Variants in AGMO observed in about 807,000 individuals in gnomAD.
The protein encoded by AGMO is glyceryl-ether monooxygenase.
A neutral mutation model predicts 60.2 loss-of-function variants in AGMO; 75 were observed. The ratio of observed to expected loss-of-function variants is 1.25; its 90% CI spans 1.03 to 1.51. The LOEUF (loss-of-function observed/expected upper bound fraction) is 1.51, where lower values mean the gene tolerates loss of function less well. Ranked by LOEUF, AGMO falls within the 40% of genes most tolerant of loss-of-function variation. The pLI, the probability that AGMO is intolerant of heterozygous loss-of-function variation, is 0.00. For missense variants in AGMO, 763 were observed against 525.5 expected, an observed-to-expected ratio of 1.45 and a Z score of -4.42; for synonymous variants, 261 against 177.1, an observed-to-expected ratio of 1.47 and a Z score of -3.76.
intron 3 of AGMO, among the ~76,000 whole-genome samples, chr7:15,456,564 C>T (rs893183097): frequency 3.3e-5 from 5 of 152,106 alleles, no homozygotes; most frequent in Admixed American, 2.0e-4. Context: ...TCTTCTAGTT[C>T]GTGGATATCA....
chr7:15,525,215 A>C (rs1784093257), intron 3 of AGMO, among the ~76,000 whole-genome samples: 1 of 152,182 alleles, frequency 6.6e-6, no homozygotes, highest in South Asian at 2.1e-4. Flanking sequence ...GGAAGCAGAC[A>C]AATCCTAGGC....
intron 12 of AGMO, among the ~76,000 whole-genome samples, chr7:15,353,079 A>T (rs1342337879): frequency 1.3e-5 from 2 of 152,094 alleles, no homozygotes; most frequent in Non-Finnish European, 2.9e-5. Context: ...AGGACAGGTG[A>T]TTATTTTTAA....
chr7:15,558,723 T>C (rs973537313), intron 2 of AGMO, among the ~76,000 whole-genome samples: 1 of 152,136 alleles, frequency 6.6e-6, no homozygotes, highest in African/African-American at 2.4e-5. Context: ...ATAATGCACT[T>C]TTCTCAAACA....
At chr7:15,382,225 A>T (rs1783722939) in intron 10 of AGMO, among the ~76,000 whole-genome samples, 2 of 152,174 alleles carry the variant, frequency 1.3e-5, no homozygotes, top group Admixed American at 1.3e-4. Context: ...TAATCTCTAT[A>T]ACAACTTTCT....
chr7:15,408,853 A>T (rs1424054875), intron 5 of AGMO, among the ~76,000 whole-genome samples: 1 of 151,910 alleles, frequency 6.6e-6, no homozygotes, highest in Non-Finnish European at 1.5e-5. Context: ...AATGACTAAC[A>T]CATGGTCTGA....
chr7:15,421,352 A>G (rs139107006), intron 4 of AGMO, among the ~76,000 whole-genome samples: 190 of 152,286 alleles, frequency 1.2e-3, no homozygotes, highest in African/African-American at 4.2e-3. Flanking sequence ...AAAAGAATTT[A>G]GACAGTGGCT....
intron 12 of AGMO, among the ~76,000 whole-genome samples, chr7:15,365,182 CA>C (rs1782921772): frequency 1.3e-5 from 2 of 151,634 alleles, no homozygotes; most frequent in Admixed American, 1.3e-4. Context: ...GAGTCTCTGC[CA>C]AAAACTTCTT....
chr7:15,407,227 G>C (rs1784728168), intron 5 of AGMO, among the ~76,000 whole-genome samples: 1 of 70,870 alleles, frequency 1.4e-5, no homozygotes, highest in African/African-American at 4.8e-5. Context: ...CCTTTCTTTG[G>C]AATACATATA....
intron 12 of AGMO, among the ~76,000 whole-genome samples, chr7:15,334,817 G>T (rs896439703): frequency 6.6e-6 from 1 of 152,106 alleles, no homozygotes; most frequent in Non-Finnish European, 1.5e-5. Flanking sequence ...TACCCATGGC[G>T]TGTTTTCCAT....
chr7:15,234,593 T>C (rs1274047541), intron 12 of AGMO, among the ~76,000 whole-genome samples: 1 of 152,224 alleles, frequency 6.6e-6, no homozygotes, highest in Non-Finnish European at 1.5e-5. Flanking sequence ...TGTTGATCTA[T>C]AGCTGGGGTC....
chr7:15,185,496 C>T, the AGMO span, among the ~76,000 whole-genome samples: 9 of 152,282 alleles, frequency 5.9e-5, no homozygotes, highest in Admixed American at 2.0e-4. Context: ...TCCTAAACCA[C>T]GCACTTTGGT....
At chr7:15,151,209 C>T in the AGMO span, among the ~76,000 whole-genome samples, 1 of 152,026 alleles carries the variant, frequency 6.6e-6, no homozygotes. Context: ...TTTGAATCTT[C>T]TCTATTTTTT....
intron 12 of AGMO, among the ~76,000 whole-genome samples, chr7:15,354,334 G>A (rs1226840567): frequency 5.6e-5 from 4 of 72,056 alleles, no homozygotes; most frequent in African/African-American, 2.1e-4. Flanking sequence ...ACGTACGCGT[G>A]TATATACACG....
chr7:15,543,558 C>T (rs760758319), intron 3 of AGMO, among the ~76,000 whole-genome samples: 1 of 152,070 alleles, frequency 6.6e-6, no homozygotes, highest in Non-Finnish European at 1.5e-5. Context: ...TTGAATTGAA[C>T]TTACTATAAT....
the AGMO span, among the ~76,000 whole-genome samples, chr7:15,161,406 C>A: frequency 8.2e-3 from 1,234 of 151,176 alleles, 24 homozygotes; most frequent in African/African-American, 0.029. Context: ...ATCTCTCTAT[C>A]TCTCTCTCTC....
At chr7:15,201,601 C>T (rs1781285056) in intron 12 of AGMO, among the ~76,000 whole-genome samples, 1 of 152,174 alleles carries the variant, frequency 6.6e-6, no homozygotes, top group East Asian at 1.9e-4. Flanking sequence ...CTTATATTCA[C>T]AAATCTGGGT....
At chr7:15,318,358 C>T (rs1480673192) in intron 12 of AGMO, among the ~76,000 whole-genome samples, 2 of 151,960 alleles carry the variant, frequency 1.3e-5, no homozygotes, top group Non-Finnish European at 2.9e-5. Flanking sequence ...GAGTTCTATT[C>T]TGATAAAAGG....
intron 12 of AGMO, among the ~76,000 whole-genome samples, chr7:15,237,588 G>C (rs1253318641): frequency 6.6e-6 from 1 of 151,882 alleles, no homozygotes; most frequent in East Asian, 1.9e-4. Context: ...TGAGAGAGCA[G>C]GGAAACTAAA....
At chr7:15,385,628 T>A (rs1425969522) in intron 9 of AGMO, 66 bp from the exon 10 acceptor site, 1 of 886,558 alleles carries the variant, frequency 1.1e-6, no homozygotes, top group Non-Finnish European at 1.8e-6. Flanking sequence ...AAATTCACAC[T>A]AAGAGATATT....
Sources: gnomAD v4.1 joint callset for allele counts (sites outside exome capture counted in the v4.1 genomes callset) on GRCh38, gnomAD v4.1.1 for gene constraint, MANE v1.5 for transcripts, NCBI Gene and HGNC (gene_info 2026-07-23, HGNC 2026-07-21) for gene names.